Variants in ZDHHC14 observed in about 807,000 individuals in gnomAD.
The protein encoded by ZDHHC14 is zDHHC palmitoyltransferase 14.
ZDHHC14 carries 16 observed loss-of-function variants against 47.7 expected under a neutral mutation model. That is an observed-to-expected ratio of 0.34 (90% CI 0.23 to 0.51). ZDHHC14 has a LOEUF of 0.51. Ranked by LOEUF, ZDHHC14 falls within the 20% of genes least tolerant of loss-of-function variation. The pLI, the probability that ZDHHC14 is intolerant of heterozygous loss-of-function variation, is 0.97. For missense variants in ZDHHC14, 515 were observed against 662.5 expected (o/e 0.78, Z 2.44); for synonymous variants, 293 against 278.9 (o/e 1.05, Z -0.50).
intron 1 of ZDHHC14, among the ~76,000 whole-genome samples, chr6:157,455,964 T>C (rs1778902787): frequency 6.6e-6 from 1 of 152,036 alleles, no homozygotes; most frequent in South Asian, 2.1e-4. Flanking sequence ...TAATCTGACT[T>C]GTGGGGGAAA....
chr6:157,616,041 G>A (rs1784951339), intron 3 of ZDHHC14, among the ~76,000 whole-genome samples: 1 of 152,190 alleles, frequency 6.6e-6, no homozygotes, highest in South Asian at 2.1e-4. Flanking sequence ...ACAGGAGAGT[G>A]GGGCGCCAGC....
At chr6:157,541,911 A>G (rs987713164) in intron 1 of ZDHHC14, among the ~76,000 whole-genome samples, 19 of 152,186 alleles carry the variant, frequency 1.2e-4, no homozygotes, top group African/African-American at 4.6e-4. Context: ...GGCCATGTTC[A>G]TCCATTGATA....
At chr6:157,626,895 G>C (rs879443778) in intron 3 of ZDHHC14, among the ~76,000 whole-genome samples, 1 of 149,950 alleles carries the variant, frequency 6.7e-6, no homozygotes, top group Non-Finnish European at 1.5e-5. Context: ...CCAGCTGGGG[G>C]GGGGGCGGCG....
At chr6:157,440,649 A>T (rs926730821) in intron 1 of ZDHHC14, among the ~76,000 whole-genome samples, 1 of 152,246 alleles carries the variant, frequency 6.6e-6, no homozygotes, top group African/African-American at 2.4e-5. Context: ...AAATGTGGAA[A>T]CAGCTCACAT....
intron 1 of ZDHHC14, among the ~76,000 whole-genome samples, chr6:157,389,930 CAT>C (rs1174680482): frequency 3.3e-5 from 5 of 151,912 alleles, no homozygotes; most frequent in East Asian, 1.9e-4. Context: ...AGATATAAAA[CAT>C]ATATATGTAT....
At chr6:157,506,281 A>G (rs1205546904) in intron 1 of ZDHHC14, among the ~76,000 whole-genome samples, 2 of 152,158 alleles carry the variant, frequency 1.3e-5, no homozygotes, top group Admixed American at 6.5e-5. Context: ...TACATTACAC[A>G]ATTGTTATTT....
At chr6:157,390,505 G>A (rs2114734600) in intron 1 of ZDHHC14, among the ~76,000 whole-genome samples, 1 of 151,724 alleles carries the variant, frequency 6.6e-6, no homozygotes, top group Admixed American at 6.6e-5. Context: ...TTCTTTCCTG[G>A]AACTCCAGTT....
At chr6:157,543,057 G>A (rs926643342) in intron 2 of ZDHHC14, among the ~76,000 whole-genome samples, 10 of 152,160 alleles carry the variant, frequency 6.6e-5, no homozygotes, top group Admixed American at 3.9e-4. Flanking sequence ...CCTCCACCCC[G>A]AGAGATTACA....
intron 1 of ZDHHC14, among the ~76,000 whole-genome samples, chr6:157,425,106 C>G (rs572959720): frequency 2.0e-5 from 3 of 152,304 alleles, no homozygotes; most frequent in Admixed American, 2.0e-4. Context: ...GTTGAATCTT[C>G]CTGTCCAGGA....
In ZDHHC14 at chr6:157,675,422, A is replaced by T. The variant is rs1430659304; in HGVS notation, c.*2300A>T. ...TTTATTATCAATTTCCCCACCTCCA[A>T]CCCTGTCCCTGGCACACACTTGGCA... On this transcript the variant is annotated 3_prime_UTR_variant, in exon 9 of 9. Transcript: ENST00000359775. 1.3e-5 allele frequency: 2 copies of T among 151,986 alleles called. No individual in the cohort carries two copies. The highest frequency in any genetic ancestry group is 4.8e-5 in the African/African-American group (2 of 41,370). The allele number at this position is 151,986 out of a possible 1,614,324, so 9.4% of individuals were successfully genotyped here.
chr6:157,552,020 G>A (rs1156614381), intron 2 of ZDHHC14, among the ~76,000 whole-genome samples: 2 of 152,004 alleles, frequency 1.3e-5, no homozygotes, highest in Admixed American at 1.3e-4. Flanking sequence ...GAAAATCTGG[G>A]AACCTAAATA....
At chr6:157,421,266 G>A (rs780821940) in intron 1 of ZDHHC14, among the ~76,000 whole-genome samples, 6 of 151,744 alleles carry the variant, frequency 4.0e-5, no homozygotes, top group Admixed American at 2.0e-4. Context: ...TTGGGAGGCC[G>A]AGGCAGGTGG....
chr6:157,653,802 G>A (rs1428586988), intron 8 of ZDHHC14, among the ~76,000 whole-genome samples, 175 bp downstream of exon 8: 3 of 152,204 alleles, frequency 2.0e-5, no homozygotes, highest in Non-Finnish European at 2.9e-5. Flanking sequence ...TAAGGCAGTA[G>A]CCCAGGAAGC....
At position 157,382,283 on chromosome 6, in the gene ZDHHC14, G is replaced by T; in HGVS notation, c.245+17G>T. 1 of 1,609,252 alleles carries T rather than the reference G, an allele frequency of 6.2e-7. No homozygotes were observed. The highest frequency in any genetic ancestry group is 8.5e-7 in the Non-Finnish European group (1 of 1,178,128). On this transcript the variant is annotated intron_variant, in intron 1 of 8. Transcript: ENST00000359775. ...CGCCTTCGAGTAAGTGGTGGCGACC[G>T]CTCCCCCGACGCCGCACTCCCCTGG...
At chr6:157,506,696 G>A (rs112754617) in intron 1 of ZDHHC14, among the ~76,000 whole-genome samples, 17,715 of 152,192 alleles carry the variant, frequency 0.12, 1,303 homozygotes, top group Non-Finnish European at 0.15. Flanking sequence ...TAACTTTAGT[G>A]AGCCTTCATA....
chr6:157,571,497 G>C (rs1325675652), intron 2 of ZDHHC14, among the ~76,000 whole-genome samples: 2 of 152,226 alleles, frequency 1.3e-5, no homozygotes, highest in Admixed American at 1.3e-4. Flanking sequence ...TGGCCTGGCT[G>C]TTTTACTGGG....
At chr6:157,434,519 C>T (rs974260171) in intron 1 of ZDHHC14, among the ~76,000 whole-genome samples, 2 of 152,008 alleles carry the variant, frequency 1.3e-5, no homozygotes, top group African/African-American at 4.8e-5. Flanking sequence ...TGATCACTTC[C>T]CACTAGTTCC....
chr6:157,421,360 C>T (rs956595088), intron 1 of ZDHHC14, among the ~76,000 whole-genome samples: 3 of 151,480 alleles, frequency 2.0e-5, no homozygotes, highest in East Asian at 2.0e-4. Flanking sequence ...GGTGTGGTGG[C>T]GGTCGCCTGT....
intron 1 of ZDHHC14, among the ~76,000 whole-genome samples, chr6:157,497,119 A>G (rs1780086948): frequency 6.6e-6 from 1 of 152,338 alleles, no homozygotes; most frequent in East Asian, 1.9e-4. Context: ...GGTGAAATTA[A>G]AAACGTGATG....
Sources: allele counts gnomAD v4.1 joint callset (sites outside exome capture counted in the v4.1 genomes callset), GRCh38; gene constraint gnomAD v4.1.1; transcripts MANE v1.5; gene names NCBI Gene and HGNC (gene_info 2026-07-23, HGNC 2026-07-21).